Variants in PHLPP1 observed in about 807,000 individuals in gnomAD.
PHLPP1 encodes the protein PH domain and leucine rich repeat protein phosphatase 1.
In PHLPP1, 42 loss-of-function variants were observed where a neutral mutation model predicts 117.2. The observed-to-expected ratio is 0.36, with a 90% CI of 0.28 to 0.46. PHLPP1 has a LOEUF of 0.46. Ranked by LOEUF, PHLPP1 falls within the 20% of genes least tolerant of loss-of-function variation. PHLPP1 has a pLI of 1.00. For missense variants in PHLPP1, 2,084 were observed against 2,241.9 expected, an observed-to-expected ratio of 0.93 and a Z score of 1.42; for synonymous variants, 1,042 against 970.7, an observed-to-expected ratio of 1.07 and a Z score of -1.37.
At chr18:62,879,910 A>AC (rs1438721819) in intron 4 of PHLPP1, among the ~76,000 whole-genome samples, 4 of 151,770 alleles carry the variant, frequency 2.6e-5, no homozygotes, top group African/African-American at 9.7e-5. Flanking sequence ...TGTCTATTGA[A>AC]CTCCTACTCA....
intron 3 of PHLPP1, among the ~76,000 whole-genome samples, chr18:62,857,869 T>G (rs1915537557): frequency 6.6e-6 from 1 of 152,302 alleles, no homozygotes; most frequent in East Asian, 1.9e-4. Flanking sequence ...CACCATTAAG[T>G]AGATTCTCAA....
chr18:62,920,259 T>C, intron 10 of PHLPP1, 145 bp downstream of exon 10: 2 of 802,866 alleles, frequency 2.5e-6, no homozygotes, highest in Non-Finnish European at 4.0e-6. Context: ...CCAGCCACTT[T>C]ACTGACCATT....
In PHLPP1 at chr18:62,972,635, A is replaced by G. The variant is rs532645019; in HGVS notation, c.3682A>G (p.Ile1228Val). Residue 1228 changes from isoleucine to valine, a missense_variant, in exon 15 of 17, where the codon ATT (isoleucine) becomes GTT (valine). Around this residue, in one of 2 missense-constraint regions of PHLPP1, gnomAD observed 1,365 missense variants for 1,605.9 expected, o/e 0.85. Coordinates refer to ENST00000262719, the MANE Select transcript of PHLPP1 (RefSeq NM_194449.4). ...CCTTCTCCAGTGCACTATGAGTGAC[A>G]TTTTGGCTGAAGAGCTGCAAAAAAC... The part of the protein sequence containing the change: ...PYLLQCTMSD[I>V]LAEELQKTKN... 4 of 1,613,958 alleles carry G rather than the reference A, an allele frequency of 2.5e-6. No individual in the cohort carries two copies. The highest frequency in any genetic ancestry group is 2.7e-5 in the African/African-American group (2 of 75,042).
At chr18:62,740,982 G>T (rs1465938731) in intron 1 of PHLPP1, among the ~76,000 whole-genome samples, 3 of 147,064 alleles carry the variant, frequency 2.0e-5, no homozygotes, top group African/African-American at 7.5e-5. Flanking sequence ...TCAAAAAGAA[G>T]AAAAAAAAAA....
Position 62,978,165 on chromosome 18 carries a change from C to T in PHLPP1, c.3985-97C>T. On this transcript the variant is annotated intron_variant, in intron 16 of 16. Transcript: ENST00000262719. This position sits in a 1 kb window ranked among gnomAD's most constrained non-coding sequence, Gnocchi z 7.0. ...GGGCCACACAGCACTTCTCTGTGGT[C>T]CTACAGTCGAGACAGTCGAGGGACC... The T allele has an allele frequency of 1.5e-6, 1 of 668,806 alleles. No homozygotes were observed. The highest frequency in any genetic ancestry group is 2.7e-5 in the East Asian group (1 of 36,530). 41.4% of individuals were successfully genotyped at this position (668,806 alleles called of 1,614,324 possible).
chr18:62,859,081 A>C (rs1184551504), intron 3 of PHLPP1, among the ~76,000 whole-genome samples: 1 of 152,220 alleles, frequency 6.6e-6, no homozygotes, highest in Non-Finnish European at 1.5e-5. Flanking sequence ...AATTAGGAAC[A>C]GAAACCTGGG....
chr18:62,940,067 A>G (rs916937558), intron 10 of PHLPP1, among the ~76,000 whole-genome samples: 1 of 152,186 alleles, frequency 6.6e-6, no homozygotes, highest in African/African-American at 2.4e-5. Context: ...GGCAAGTGCT[A>G]TGTACTGAGC....
intron 1 of PHLPP1, among the ~76,000 whole-genome samples, chr18:62,829,084 TCTTTCTGC>T (rs1914686578): frequency 1.3e-5 from 2 of 152,242 alleles, no homozygotes; most frequent in African/African-American, 4.8e-5. Context: ...TTCTCAGTTC[TCTTTCTGC>T]CTTTCAGCCT....
chr18:62,823,596 A>ATATCTACATAAATATATG (rs1914527607), intron 1 of PHLPP1, among the ~76,000 whole-genome samples: 1 of 149,652 alleles, frequency 6.7e-6, no homozygotes, highest in African/African-American at 2.4e-5. Flanking sequence ...CATATATTAT[A>ATATCTACATAAATATATG]TATCTACATA....
At chr18:62,814,089 T>A (rs1914198758) in intron 1 of PHLPP1, among the ~76,000 whole-genome samples, 2 of 152,158 alleles carry the variant, frequency 1.3e-5, no homozygotes, top group South Asian at 4.1e-4. Context: ...TATTCAGGAA[T>A]TTAGAGATTA....
At chr18:62,846,209 C>CAAAA (rs34577472) in intron 3 of PHLPP1, among the ~76,000 whole-genome samples, 9 of 78,650 alleles carry the variant, frequency 1.1e-4, no homozygotes, top group Admixed American at 1.6e-4. Flanking sequence ...AACTCCATCT[C>CAAAA]AAAAAAAAAA....
intron 1 of PHLPP1, among the ~76,000 whole-genome samples, chr18:62,753,469 T>G (rs1361563015): frequency 1.3e-5 from 2 of 152,224 alleles, no homozygotes; most frequent in African/African-American, 2.4e-5. Context: ...CAATGTCCCA[T>G]AAGTTGCACA....
chr18:62,923,998 A>G (rs901603570), intron 10 of PHLPP1, among the ~76,000 whole-genome samples: 1 of 152,246 alleles, frequency 6.6e-6, no homozygotes, highest in East Asian at 1.9e-4. Flanking sequence ...ATGACTAAAC[A>G]TAGGAATTAT....
chr18:62,977,428 CAAAAAAAAAAAAA>C (rs3087160), intron 16 of PHLPP1, among the ~76,000 whole-genome samples: 4 of 74,242 alleles, frequency 5.4e-5, no homozygotes, highest in African/African-American at 2.0e-4. Flanking sequence ...GTACACGTGG[CAAAAAAAAAAAAA>C]AAAAAAAAAA....
intron 1 of PHLPP1, chr18:62,826,295 T>C: frequency 2.5e-6 from 1 of 395,326 alleles, no homozygotes; most frequent in South Asian, 1.9e-5. Context: ...ATACATTTGT[T>C]AGAAAATAAG....
At chr18:62,838,172 G>A (rs1052982642) in intron 2 of PHLPP1, 27 of 152,018 alleles carry the variant, frequency 1.8e-4, no homozygotes, top group Admixed American at 4.6e-4. Flanking sequence ...TTAAGATTTT[G>A]GTTGTAATTT....
intron 1 of PHLPP1, among the ~76,000 whole-genome samples, chr18:62,821,077 A>G (rs1286160669): frequency 6.6e-6 from 1 of 152,230 alleles, no homozygotes; most frequent in Non-Finnish European, 1.5e-5. Flanking sequence ...GTTAAAACAC[A>G]ATATACCAGA....
intron 1 of PHLPP1, among the ~76,000 whole-genome samples, chr18:62,759,655 C>CTAAAAAA (rs1912150148): frequency 6.6e-6 from 1 of 152,136 alleles, no homozygotes; most frequent in Non-Finnish European, 1.5e-5. Flanking sequence ...GGACTAATAA[C>CTAAAAAA]GAAATGACTA....
chr18:62,748,121 T>A (rs1911731657), intron 1 of PHLPP1, among the ~76,000 whole-genome samples: 1 of 151,322 alleles, frequency 6.6e-6, no homozygotes, highest in African/African-American at 2.5e-5. Context: ...TACTCAACTA[T>A]TCACAGTACT....
Sources: gnomAD v4.1 joint callset for allele counts (sites outside exome capture counted in the v4.1 genomes callset) on GRCh38, gnomAD v4.1.1 for gene constraint, gnomAD v4.1.1 regional missense constraint, Gnocchi (gnomAD v3.1) non-coding constraint, MANE v1.5 for transcripts, NCBI Gene and HGNC (gene_info 2026-07-23, HGNC 2026-07-21) for gene names.